The following MIPOL1 variants were observed in gnomAD, a reference collection of about 807,000 sequenced individuals.
MIPOL1 encodes the protein mirror-image polydactyly gene 1 protein.
A neutral mutation model predicts 60.9 loss-of-function variants in MIPOL1; 57 were observed. That is an observed-to-expected ratio of 0.94 (90% CI 0.76 to 1.17). MIPOL1 has a LOEUF of 1.17. MIPOL1 is among the 50% of genes most tolerant of loss of function. The pLI is 0.00. For missense variants in MIPOL1, 551 were observed against 511.6 expected (o/e 1.08, Z -0.74); for synonymous variants, 179 against 168.8 (o/e 1.06, Z -0.47).
At chr14:37,338,952 T>A (rs2090385157) in intron 9 of MIPOL1, among the ~76,000 whole-genome samples, 1 of 152,130 alleles carries the variant, frequency 6.6e-6, no homozygotes, top group African/African-American at 2.4e-5. Flanking sequence ...CACAAGTAGC[T>A]GTAACTATAA....
At chr14:37,412,780 C>T (rs768218580) in intron 10 of MIPOL1, among the ~76,000 whole-genome samples, 26 of 151,758 alleles carry the variant, frequency 1.7e-4, no homozygotes, top group Non-Finnish European at 2.6e-4. Context: ...CTGAACTTTT[C>T]TGTTTGTATA....
At chr14:37,242,261 C>T (rs769861951) in intron 1 of MIPOL1, among the ~76,000 whole-genome samples, 13 of 151,846 alleles carry the variant, frequency 8.6e-5, no homozygotes, top group Non-Finnish European at 1.8e-4. Flanking sequence ...TCTCCCCACC[C>T]CAACTCATAG....
chr14:37,280,850 G>C (rs1360714362), intron 6 of MIPOL1, among the ~76,000 whole-genome samples: 1 of 151,906 alleles, frequency 6.6e-6, no homozygotes, highest in Non-Finnish European at 1.5e-5. Flanking sequence ...GTAGAGACAG[G>C]GTTTCATCAT....
intron 9 of MIPOL1, among the ~76,000 whole-genome samples, chr14:37,335,200 C>T (rs1384570845): frequency 7.2e-5 from 11 of 151,962 alleles, no homozygotes; most frequent in African/African-American, 2.4e-4. Context: ...ATAACCATCC[C>T]GGTGGATGTG....
chr14:37,353,942 C>A (rs2091603347), intron 9 of MIPOL1, among the ~76,000 whole-genome samples: 2 of 151,980 alleles, frequency 1.3e-5, no homozygotes, highest in Admixed American at 6.5e-5. Flanking sequence ...TTCTTGCCTT[C>A]TGCTAGCTTT....
At chr14:37,321,363 AT>A (rs1313229064) in intron 9 of MIPOL1, among the ~76,000 whole-genome samples, 3 of 151,960 alleles carry the variant, frequency 2.0e-5, no homozygotes, top group Admixed American at 2.0e-4. Flanking sequence ...TTATTTAAAA[AT>A]ATGTTGCTTA....
At chr14:37,324,811 C>G (rs2088974556) in intron 9 of MIPOL1, among the ~76,000 whole-genome samples, 1 of 151,952 alleles carries the variant, frequency 6.6e-6, no homozygotes. Flanking sequence ...ATGATTTTCC[C>G]CCATTAAGTG....
chr14:37,314,541 T>C lies in MIPOL1; in HGVS notation c.828+6022T>C, dbSNP rs188810190. 1.2e-4 allele frequency among the ~76,000 whole-genome samples: 18 copies of C among 152,282 alleles called. No homozygotes were observed. The East Asian group carries it at 3.3e-3, about 28-fold the overall frequency. On this transcript the variant is annotated intron_variant, in intron 9 of 12. Coordinates refer to ENST00000684589, the MANE Select transcript of MIPOL1 (RefSeq NM_001388067.1). Reference sequence around the variant, plus strand: ...TTTTTCCCTCTTACTAGAACATACTTCCTCTCTGCTTGTTGCTCACTTGTC... The same window carrying C: ...TTTTTCCCTCTTACTAGAACATACTCCCTCTCTGCTTGTTGCTCACTTGTC...
chr14:37,269,827 A>T (rs1448839163), intron 5 of MIPOL1, among the ~76,000 whole-genome samples: 1 of 151,986 alleles, frequency 6.6e-6, no homozygotes, highest in Non-Finnish European at 1.5e-5. Flanking sequence ...AGTAGTCATT[A>T]TTATTATTAT....
At chr14:37,306,201 A>G (rs1046956075) in intron 7 of MIPOL1, among the ~76,000 whole-genome samples, 3 of 151,804 alleles carry the variant, frequency 2.0e-5, no homozygotes, top group African/African-American at 7.2e-5. Context: ...CCTTAAAGTA[A>G]TGCTTTACAT....
At chr14:37,319,615 C>T (rs1440980807) in intron 9 of MIPOL1, among the ~76,000 whole-genome samples, 1 of 152,038 alleles carries the variant, frequency 6.6e-6, no homozygotes, top group Non-Finnish European at 1.5e-5. Context: ...ACAAGAAAAA[C>T]AAGGAGAGGA....
intron 9 of MIPOL1, among the ~76,000 whole-genome samples, chr14:37,367,847 G>A (rs1348518265): frequency 6.6e-6 from 1 of 151,940 alleles, no homozygotes; most frequent in African/African-American, 2.4e-5. Flanking sequence ...GTGCTATGCC[G>A]TGTTCATTTT....
At chr14:37,496,680 T>A (rs1193430464) in intron 11 of MIPOL1, among the ~76,000 whole-genome samples, 10 of 150,792 alleles carry the variant, frequency 6.6e-5, no homozygotes, top group Non-Finnish European at 7.4e-5. Context: ...GAACATTCCA[T>A]GCTCATGGGT....
chr14:37,255,565 G>A (rs997495751), intron 3 of MIPOL1, among the ~76,000 whole-genome samples: 5 of 151,524 alleles, frequency 3.3e-5, no homozygotes, highest in East Asian at 1.9e-4. Flanking sequence ...GGTTTTATTC[G>A]AATCAAAACA....
intron 10 of MIPOL1, among the ~76,000 whole-genome samples, chr14:37,406,597 T>C (rs2093591351): frequency 6.6e-6 from 1 of 152,148 alleles, no homozygotes; most frequent in South Asian, 2.1e-4. Flanking sequence ...GAAAGGAATG[T>C]ATCATGCCAT....
intron 9 of MIPOL1, among the ~76,000 whole-genome samples, chr14:37,310,929 A>G (rs965831553): frequency 6.6e-6 from 1 of 152,180 alleles, no homozygotes; most frequent in Non-Finnish European, 1.5e-5. Flanking sequence ...TTGGCAAATG[A>G]TTTGGTTCAG....
At chr14:37,451,867 T>G (rs1477779941) in intron 11 of MIPOL1, among the ~76,000 whole-genome samples, 1 of 138,438 alleles carries the variant, frequency 7.2e-6, no homozygotes, top group Non-Finnish European at 1.5e-5. Flanking sequence ...CAGGTGGAAG[T>G]GCAGTGGCGC....
chr14:37,525,751 A>G (rs1381291901), intron 12 of MIPOL1, among the ~76,000 whole-genome samples: 1 of 152,200 alleles, frequency 6.6e-6, no homozygotes, highest in Non-Finnish European at 1.5e-5. Context: ...GCAAACTTAT[A>G]AAAGTACTTT....
rs777852979 is a variant in MIPOL1 at position 37,546,899 on chromosome 14, A to T, written c.1263-6A>T. 6.2e-7 allele frequency: 1 copy of T among 1,612,692 alleles called. No homozygotes were observed. The highest frequency in any genetic ancestry group is 8.5e-7 in the Non-Finnish European group (1 of 1,179,326). On this transcript the variant is annotated splice_polypyrimidine_tract_variant and splice_region_variant and intron_variant, in intron 12 of 12. Transcript: ENST00000684589. ...CCTTCTCACCCCCATCCCAACCCCA[A>T]CTTAGGTTGGAAAGGCTGGTGGATG...
Sources: allele counts gnomAD v4.1 joint callset (sites outside exome capture counted in the v4.1 genomes callset), GRCh38; gene constraint gnomAD v4.1.1; transcripts MANE v1.5; gene names NCBI Gene and HGNC (gene_info 2026-07-23, HGNC 2026-07-21).